The following ARHGEF26 variants were observed in gnomAD, a reference collection of about 807,000 sequenced individuals.
ARHGEF26 encodes the protein Rho guanine nucleotide exchange factor (GEF) 26.
In ARHGEF26, 59 loss-of-function variants were observed where a neutral mutation model predicts 89.4. The ratio of observed to expected loss-of-function variants is 0.66; its 90% CI spans 0.54 to 0.82. The LOEUF (loss-of-function observed/expected upper bound fraction) is 0.82, where lower values mean the gene tolerates loss of function less well. Ranked by LOEUF, ARHGEF26 falls within the 40% of genes least tolerant of loss-of-function variation. The probability of loss-of-function intolerance (pLI) is 0.00; values close to 1 mark genes in which losing one functional copy is unlikely to be tolerated. For synonymous variants in ARHGEF26, 500 were observed against 428.4 expected (o/e 1.17, Z -2.06); for missense variants, 1,234 against 1,085.6 (o/e 1.14, Z -1.92).
intron 4 of ARHGEF26, among the ~76,000 whole-genome samples, chr3:154,144,986 C>T (rs1190283727): frequency 6.6e-6 from 1 of 152,164 alleles, no homozygotes; most frequent in East Asian, 1.9e-4. Flanking sequence ...ACCCACCACT[C>T]CCCAGAAGGA....
intron 11 of ARHGEF26, among the ~76,000 whole-genome samples, chr3:154,232,753 C>G (rs1167135296): frequency 6.6e-6 from 1 of 152,118 alleles, no homozygotes; most frequent in Non-Finnish European, 1.5e-5. Context: ...CTGTTATTCC[C>G]ACTTTACAGA....
At chr3:154,238,081 A>G (rs548961465) in intron 11 of ARHGEF26, among the ~76,000 whole-genome samples, 1 of 152,354 alleles carries the variant, frequency 6.6e-6, no homozygotes, top group East Asian at 1.9e-4. Flanking sequence ...TATAGTATCT[A>G]TACAACATGA....
intron 4 of ARHGEF26, among the ~76,000 whole-genome samples, chr3:154,132,471 A>G (rs1269167024): frequency 6.6e-6 from 1 of 152,064 alleles, no homozygotes; most frequent in African/African-American, 2.4e-5. Flanking sequence ...GGCTTTTAGG[A>G]AAGTAGATAT....
chr3:154,149,491 G>A, intron 5 of ARHGEF26, 46 bp downstream of exon 5: 23 of 1,513,840 alleles, frequency 1.5e-5, no homozygotes, highest in Non-Finnish European at 2.1e-5. Flanking sequence ...GAGTGTGCAT[G>A]TCGGTGTCTG....
chr3:154,182,966 A>G (rs1713277423), intron 6 of ARHGEF26, among the ~76,000 whole-genome samples: 1 of 152,208 alleles, frequency 6.6e-6, no homozygotes, highest in Admixed American at 6.5e-5. Context: ...GTTTTAAAAA[A>G]CGTTAGAAGA....
In ARHGEF26 at chr3:154,127,953, C is replaced by T. The variant is rs116165190; in HGVS notation, c.1124-1621C>T. On this transcript the variant is annotated intron_variant, in intron 3 of 14. Coordinates refer to ENST00000465093, the MANE Select transcript of ARHGEF26 (RefSeq NM_015595.4). ...ACTGTATTATGTTTCCTCTTATGTT[C>T]GCATTATAGCTTTTGTGTATGCTTT... Among the ~76,000 whole-genome samples the T allele has an allele frequency of 6.6e-3, 1,009 of 152,190 alleles. 9 individuals are homozygous for T. Among genetic ancestry groups the T allele is most frequent in the African/African-American group, 0.023 (963 of 41,520 alleles).
intron 13 of ARHGEF26, among the ~76,000 whole-genome samples, 167 bp downstream of exon 13, chr3:154,253,350 G>A (rs1718281236): frequency 6.6e-6 from 1 of 152,174 alleles, no homozygotes; most frequent in African/African-American, 2.4e-5. Context: ...TGGAAGTCAG[G>A]GGGTCTGAAT....
intron 10 of ARHGEF26, among the ~76,000 whole-genome samples, chr3:154,223,447 C>T (rs1716266401): frequency 6.6e-6 from 1 of 152,094 alleles, no homozygotes; most frequent in Non-Finnish European, 1.5e-5. Flanking sequence ...AGTGAAAATA[C>T]CCCAAATCAA....
At chr3:154,148,905 G>C (rs1478467143) in intron 4 of ARHGEF26, among the ~76,000 whole-genome samples, 1 of 152,160 alleles carries the variant, frequency 6.6e-6, no homozygotes, top group African/African-American at 2.4e-5. Context: ...ATGAAAACTG[G>C]TACAGACTTG....
Position 154,256,837 on chromosome 3 carries a change from A to C in ARHGEF26, c.*1364A>C, listed in dbSNP as rs1718548747. The C allele has an allele frequency of 6.5e-7, 1 of 1,529,462 alleles. No individual in the cohort carries two copies. The highest frequency in any genetic ancestry group is 8.7e-7 in the Non-Finnish European group (1 of 1,144,700). 94.7% of individuals were successfully genotyped at this position (1,529,462 alleles called of 1,614,324 possible). A position where few individuals can be genotyped will look rare whatever the true frequency, so the allele number is the denominator to read the frequency against. The stretch of plus-strand genomic sequence containing the variant: ...GTATTCAGAGTCCCTCTTAACTGTG[A>C]GTTTCTATAGAACTTTACTTTTTCC... On this transcript the variant is annotated 3_prime_UTR_variant, in exon 15 of 15. Coordinates refer to ENST00000465093, the MANE Select transcript of ARHGEF26 (RefSeq NM_015595.4).
At chr3:154,179,838 C>T (rs1269838938) in intron 6 of ARHGEF26, among the ~76,000 whole-genome samples, 1 of 152,152 alleles carries the variant, frequency 6.6e-6, no homozygotes, top group East Asian at 1.9e-4. Context: ...TATTAGTTTT[C>T]TATTGCTGCT....
Position 154,225,037 on chromosome 3 carries a change from A to G in ARHGEF26, c.1936-819A>G, listed in dbSNP as rs1049451999. Among the ~76,000 whole-genome samples, 7 of 146,826 alleles carry G rather than the reference A, an allele frequency of 4.8e-5. No individual in the cohort carries two copies. The Admixed American group carries it at 4.8e-4, about 10-fold the overall frequency. On this transcript the variant is annotated intron_variant, in intron 10 of 14. Transcript: ENST00000465093. The stretch of plus-strand genomic sequence containing the variant: ...TAGTCTTTTAAATCAGAGTTTTGGC[A>G]GTAAACATTTCTGGTAACTTAAAAA...
rs1051695742 is a variant in ARHGEF26, at chr3:154,122,112, C to T, written c.120C>T (p.Tyr40=). ...GGAGCAAGCCGAGGCCCCAGTCCTA[C>T]CAGAGCCCCAACGGGTTACTAATTA... is the stretch of plus-strand genomic sequence containing the variant. ...LGRSKPRPQS[Y]QSPNGLLITD... Residue 40 remains tyrosine, a synonymous_variant, in exon 2 of 15, where the codon TAC becomes TAT. Transcript: ENST00000465093. The T allele has an allele frequency of 1.9e-6, 3 of 1,609,700 alleles. No individual in the cohort carries two copies. Among genetic ancestry groups the T allele is most frequent in the Non-Finnish European group, 2.5e-6 (3 of 1,177,934 alleles).
At chr3:154,162,054 A>G (rs1711697649) in intron 6 of ARHGEF26, among the ~76,000 whole-genome samples, 1 of 152,210 alleles carries the variant, frequency 6.6e-6, no homozygotes, top group South Asian at 2.1e-4. Flanking sequence ...AGTGTTACCT[A>G]CTTAGTCATT....
chr3:154,225,878 C>G lies in ARHGEF26; in HGVS notation c.1958C>G (p.Ser653Cys). ...KIKPFPLVSS[S>C]RWLVKRGELT... ...TAGCCTTTTCCTTTAGTCTCCTCTT[C>G]CCGGTGGTTGGTAAAAAGAGGTGAA... Residue 653 changes from serine (S) to cysteine (C), a missense_variant, in exon 11 of 15, where the codon TCC (serine) becomes TGC (cysteine). By Grantham distance (112) the Ser-to-Cys change is moderately radical. Transcript: ENST00000465093. The G allele has an allele frequency of 5.0e-6, 8 of 1,609,078 alleles. No homozygotes were observed. Among genetic ancestry groups the G allele is most frequent in the Non-Finnish European group, 6.8e-6 (8 of 1,177,882 alleles).
At chr3:154,125,710 C>T (rs1001474365) in intron 3 of ARHGEF26, among the ~76,000 whole-genome samples, 3 of 151,952 alleles carry the variant, frequency 2.0e-5, no homozygotes, top group African/African-American at 4.8e-5. Context: ...ACTAGTTTTA[C>T]GTTATTTCCT....
At chr3:154,175,717 G>T (rs968498037) in intron 6 of ARHGEF26, among the ~76,000 whole-genome samples, 1 of 152,178 alleles carries the variant, frequency 6.6e-6, no homozygotes, top group Admixed American at 6.6e-5. Context: ...CGGAAGGAGG[G>T]TGTTTTAGTT....
chr3:154,154,511 T>C (rs931976813), intron 6 of ARHGEF26, among the ~76,000 whole-genome samples: 1 of 152,056 alleles, frequency 6.6e-6, no homozygotes, highest in South Asian at 2.1e-4. Flanking sequence ...TCAATAAAGC[T>C]TAAAACATAA....
chr3:154,184,337 A>C (rs1281030350), intron 6 of ARHGEF26, among the ~76,000 whole-genome samples: 1 of 152,190 alleles, frequency 6.6e-6, no homozygotes, highest in Non-Finnish European at 1.5e-5. Flanking sequence ...TAAATGACAA[A>C]TATTTCACAT....
Sources: gnomAD v4.1 joint callset for allele counts (sites outside exome capture counted in the v4.1 genomes callset) on GRCh38, gnomAD v4.1.1 for gene constraint, MANE v1.5 for transcripts, NCBI Gene and HGNC (gene_info 2026-07-23, HGNC 2026-07-21) for gene names.